Variants in HAUS8 observed in about 807,000 individuals in gnomAD.
The protein encoded by HAUS8 is HAUS augmin-like complex subunit 8.
Under a neutral mutation model 42.9 loss-of-function variants are expected in HAUS8, and 38 were observed. That is an observed-to-expected ratio of 0.89 (90% CI 0.68 to 1.16). The LOEUF is 1.16. Among genes scored for constraint, HAUS8 ranks in the 50% most tolerant of loss-of-function variants. The pLI is 0.00. For missense variants in HAUS8, 494 were observed against 511.6 expected (o/e 0.97, Z 0.33); for synonymous variants, 199 against 205.8 (o/e 0.97, Z 0.28).
intron 3 of HAUS8, among the ~76,000 whole-genome samples, chr19:17,068,099 C>CTTTTTTTT (rs889723027): frequency 4.1e-4 from 38 of 93,504 alleles, no homozygotes; most frequent in Non-Finnish European, 5.9e-4. Context: ...TTATTTTATT[C>CTTTTTTTT]TTTTTTTTTT....
chr19:17,075,166 G>A (rs767628600), intron 1 of HAUS8: 3 of 549,886 alleles, frequency 5.5e-6, no homozygotes, highest in Admixed American at 3.1e-5. Flanking sequence ...GCTTGCCGGA[G>A]GTCGCCCAGC....
At chr19:17,058,987 A>C in intron 6 of HAUS8, 111 bp from the exon 7 acceptor site, 1 of 844,078 alleles carries the variant, frequency 1.2e-6, no homozygotes, top group Non-Finnish European at 1.8e-6. Context: ...ATTCAGTTTG[A>C]TATTCGGTAG....
chr19:17,055,135 A>G (rs1568634794), intron 9 of HAUS8: 4 of 38,194 alleles, frequency 1.0e-4, no homozygotes, highest in Admixed American at 5.0e-4. Context: ...AAAAAAAAAA[A>G]AAAAAAAAAT....
Position 17,063,360 on chromosome 19 carries a change from G to A in HAUS8, c.148-581C>T, listed in dbSNP as rs147491089. 1.7e-3 allele frequency among the ~76,000 whole-genome samples: 255 copies of A among 152,288 alleles called. 1 individual carries two copies. The highest frequency in any genetic ancestry group is 5.9e-3 in the African/African-American group (244 of 41,556). On this transcript the variant is annotated intron_variant, in intron 3 of 10. Coordinates refer to ENST00000253669, the MANE Select transcript of HAUS8 (RefSeq NM_033417.2). ...GGAGACAGAGCAAGACCAGAGCAAC[G>A]ACATGACGACGCACAGACACCACTC... is the stretch of plus-strand genomic sequence containing the variant.
intron 3 of HAUS8, among the ~76,000 whole-genome samples, chr19:17,068,745 C>T (rs2057402826): frequency 6.6e-6 from 1 of 151,922 alleles, no homozygotes; most frequent in Non-Finnish European, 1.5e-5. Flanking sequence ...GCCTGGGCAA[C>T]AGAGAGAGAC....
chr19:17,065,336 A>C (rs1017124238), intron 3 of HAUS8, among the ~76,000 whole-genome samples: 3 of 152,238 alleles, frequency 2.0e-5, no homozygotes. Context: ...TACAGTAAGC[A>C]GGATCTCTCT....
chr19:17,061,639 C>T (rs1277241282), intron 4 of HAUS8, among the ~76,000 whole-genome samples: 9 of 152,198 alleles, frequency 5.9e-5, no homozygotes, highest in Non-Finnish European at 1.3e-4. Flanking sequence ...TGGATCCTTC[C>T]TTGCGGTGGT....
In HAUS8 at chr19:17,071,047, C is replaced by T. The variant is rs182714232; in HGVS notation, c.92-1961G>A. On this transcript the variant is annotated intron_variant, in intron 2 of 10. Coordinates refer to ENST00000253669, the MANE Select transcript of HAUS8 (RefSeq NM_033417.2). The stretch of plus-strand genomic sequence containing the variant: ...ATCGTGCCATTGCACTCCAGCCTGG[C>T]GACAGAGTTAGACTTTGTCTCATAA... Among the ~76,000 whole-genome samples the T allele has an allele frequency of 6.2e-4, 90 of 145,988 alleles. No individual in the cohort carries two copies. In the Middle Eastern group the frequency reaches 0.01, roughly 17 times the overall value.
rs570848957 is a variant in HAUS8 at position 17,062,918 on chromosome 19, C to A, written c.148-139G>T. 4.9e-4 allele frequency: 317 copies of A among 650,686 alleles called. 1 individual carries two copies. The highest frequency in any genetic ancestry group is 6.8e-4 in the Non-Finnish European group (251 of 369,784). The allele number at this position is 650,686 out of a possible 1,614,324, so 40.3% of individuals were successfully genotyped here. A position where few individuals can be genotyped will look rare whatever the true frequency, so the allele number is the denominator to read the frequency against. On this transcript the variant is annotated intron_variant, in intron 3 of 10. Transcript: ENST00000253669. The stretch of plus-strand genomic sequence containing the variant: ...ACATTTAAAGAGGTTTGAAATCTTA[C>A]CTCATATACACAGGACAAACAAATT...
chr19:17,063,539 A>C (rs536560096), intron 3 of HAUS8, among the ~76,000 whole-genome samples: 20 of 152,360 alleles, frequency 1.3e-4, no homozygotes, highest in African/African-American at 4.8e-4. Flanking sequence ...AAGTTTAACA[A>C]GAGTTTTCTT....
At position 17,069,033 on chromosome 19, in the gene HAUS8, T is replaced by C. The variant is rs769970315; in HGVS notation, c.145A>G (p.Lys49Glu). The C allele has an allele frequency of 6.2e-6, 10 of 1,612,846 alleles. No individual in the cohort carries two copies. In the South Asian group the frequency reaches 9.9e-5, roughly 16 times the overall value. ...YLQYEKKTTQKAPAGDGSQTR... is the reference protein window; with the variant it reads ...YLQYEKKTTQEAPAGDGSQTR... ...ATGGAAGCTGGGTGCGGCCTTACCT[T>C]TTGGGTTGTCTTCTTTTCATACTGC... Residue 49 changes from lysine to glutamate, a missense_variant and splice_region_variant, in exon 3 of 11, where the codon AAG becomes GAG. Coordinates refer to ENST00000253669, the MANE Select transcript of HAUS8 (RefSeq NM_033417.2).
chr19:17,060,177 C>G, intron 4 of HAUS8, 85 bp from the exon 5 acceptor site: 1 of 628,212 alleles, frequency 1.6e-6, no homozygotes, highest in Non-Finnish European at 2.6e-6. Flanking sequence ...TGTTTTTGAA[C>G]AATACCACTT....
intron 2 of HAUS8, among the ~76,000 whole-genome samples, chr19:17,071,365 T>C (rs564015065): frequency 6.6e-6 from 1 of 152,302 alleles, no homozygotes; most frequent in South Asian, 2.1e-4. Flanking sequence ...GAATGCACCA[T>C]GCCTGCAGAG....
At chr19:17,050,372 AG>A (rs2057280102) in intron 10 of HAUS8, among the ~76,000 whole-genome samples, 196 bp from the exon 11 acceptor site, 1 of 152,152 alleles carries the variant, frequency 6.6e-6, no homozygotes, top group African/African-American at 2.4e-5. Context: ...CAGACATGAA[AG>A]GAAAGATTCA....
At chr19:17,057,793 T>C (rs1361166872) in intron 8 of HAUS8, among the ~76,000 whole-genome samples, 1 of 152,130 alleles carries the variant, frequency 6.6e-6, no homozygotes, top group African/African-American at 2.4e-5. Context: ...AGAGGGACTT[T>C]ATCAGGGTCA....
At chr19:17,062,859 G>T in intron 3 of HAUS8, 80 bp from the exon 4 acceptor site, 3 of 1,007,010 alleles carry the variant, frequency 3.0e-6, no homozygotes, top group South Asian at 1.3e-5. Flanking sequence ...TCTGCACTGT[G>T]TTTCGTAACT....
At chr19:17,073,051 C>T (rs373889403) in intron 2 of HAUS8, among the ~76,000 whole-genome samples, 10 of 152,114 alleles carry the variant, frequency 6.6e-5, no homozygotes, top group Admixed American at 5.2e-4. Context: ...CAGCCCATGA[C>T]CCCCATGGCT....
At chr19:17,061,648 G>A (rs1472207805) in intron 4 of HAUS8, among the ~76,000 whole-genome samples, 1 of 152,186 alleles carries the variant, frequency 6.6e-6, no homozygotes, top group Non-Finnish European at 1.5e-5. Flanking sequence ...CCTTGCGGTG[G>A]TGGGGGTGTC....
intron 2 of HAUS8, among the ~76,000 whole-genome samples, chr19:17,070,723 C>G (rs575592740): frequency 6.6e-6 from 1 of 152,218 alleles, no homozygotes; most frequent in Non-Finnish European, 1.5e-5. Context: ...CTCCTTCGCT[C>G]GCTGCTATGT....
Sources: allele counts gnomAD v4.1 joint callset (sites outside exome capture counted in the v4.1 genomes callset), GRCh38; gene constraint gnomAD v4.1.1; transcripts MANE v1.5; gene names NCBI Gene and HGNC (gene_info 2026-07-23, HGNC 2026-07-21).